The following FCHO2 variants were observed in gnomAD, a reference collection of about 807,000 sequenced individuals.
The protein encoded by FCHO2 is FCH and mu domain containing endocytic adaptor 2.
FCHO2 carries 43 observed loss-of-function variants against 114.1 expected under a neutral mutation model. The ratio of observed to expected loss-of-function variants is 0.38; its 90% CI spans 0.30 to 0.49. The LOEUF (loss-of-function observed/expected upper bound fraction) is 0.49. FCHO2 is among the 20% of genes least tolerant of loss of function. The pLI, the probability that FCHO2 is intolerant of heterozygous loss-of-function variation, is 0.97. For missense variants in FCHO2, 807 were observed against 950.4 expected (o/e 0.85, Z 1.98); for synonymous variants, 293 against 315.2 (o/e 0.93, Z 0.75).
chr5:73,071,414 A>C (rs1019946301), intron 19 of FCHO2, among the ~76,000 whole-genome samples: 3 of 152,052 alleles, frequency 2.0e-5, no homozygotes, highest in Non-Finnish European at 4.4e-5. Flanking sequence ...ATGATAGGAG[A>C]TAGTAGGGAG....
intron 1 of FCHO2, among the ~76,000 whole-genome samples, chr5:72,958,859 C>T (rs1751702228): frequency 6.6e-6 from 1 of 152,186 alleles, no homozygotes; most frequent in Non-Finnish European, 1.5e-5. Flanking sequence ...ATTGCATCTT[C>T]ACATTAAAAG....
In FCHO2 at chr5:72,957,873, G is replaced by A. The variant is rs540576118; in HGVS notation, c.33+1744G>A. Among the ~76,000 whole-genome samples the A allele has an allele frequency of 2.6e-5, 4 of 152,308 alleles. No homozygotes were observed. The South Asian group carries it at 8.3e-4, about 32-fold the overall frequency. Reference sequence around the variant, plus strand: ...TTTTATTATAATATAGTGAGTGAACGTGAAGTAGTATTAATATTTTATTGT... The same window carrying A: ...TTTTATTATAATATAGTGAGTGAACATGAAGTAGTATTAATATTTTATTGT... On this transcript the variant is annotated intron_variant, in intron 1 of 25. Transcript: ENST00000430046.
chr5:73,051,670 G>A (rs893031925), intron 12 of FCHO2, among the ~76,000 whole-genome samples: 3 of 151,888 alleles, frequency 2.0e-5, no homozygotes, highest in Non-Finnish European at 2.9e-5. Flanking sequence ...GGGTTTCAGC[G>A]ATTCTTCTGC....
intron 17 of FCHO2, 136 bp downstream of exon 17, chr5:73,058,660 G>T: frequency 2.5e-6 from 1 of 401,504 alleles, no homozygotes; most frequent in Non-Finnish European, 4.3e-6. Flanking sequence ...AAATAAAAGT[G>T]ATTTTATTCT....
At chr5:72,972,341 T>C (rs1272566651) in intron 2 of FCHO2, among the ~76,000 whole-genome samples, 4 of 151,896 alleles carry the variant, frequency 2.6e-5, no homozygotes, top group Non-Finnish European at 5.9e-5. Context: ...GAGCATGGAA[T>C]GTTCTTCCAT....
In FCHO2 at chr5:72,961,272, T is replaced by G. The variant is rs1349150369; in HGVS notation, c.33+5143T>G. Among the ~76,000 whole-genome samples the G allele has an allele frequency of 2.0e-5, 3 of 152,156 alleles. No individual in the cohort carries two copies. In the East Asian group the frequency reaches 5.8e-4, roughly 29 times the overall value. On this transcript the variant is annotated intron_variant, in intron 1 of 25. Coordinates refer to ENST00000430046, the MANE Select transcript of FCHO2 (RefSeq NM_138782.3). Reference sequence around the variant, plus strand: ...TCCTAGATGAGAGACTAACACACATTCTTTGGGGTTATGTATCCATATGAA... The same window carrying G: ...TCCTAGATGAGAGACTAACACACATGCTTTGGGGTTATGTATCCATATGAA...
In FCHO2 at chr5:72,970,473, C is replaced by CT. The variant is rs879859330; in HGVS notation, c.125+1896dup. ...TTCACCTAGTTAATGCCTACTTATT[C>CT]TTTTTTTTTTTTATTTAGAACTTTA... On this transcript the variant is annotated intron_variant, in intron 2 of 25. Coordinates refer to ENST00000430046, the MANE Select transcript of FCHO2 (RefSeq NM_138782.3). 2.2e-3 allele frequency among the ~76,000 whole-genome samples: 324 copies of CT among 144,008 alleles called. 1 individual carries two copies. The highest frequency in any genetic ancestry group is 3.6e-3 in the Middle Eastern group (1 of 278). 94.5% of individuals were successfully genotyped at this position (144,008 alleles called of 152,430 possible).
At chr5:73,020,927 G>A (rs747430734) in intron 8 of FCHO2, 12 of 1,542,418 alleles carry the variant, frequency 7.8e-6, no homozygotes, top group East Asian at 2.2e-5. Flanking sequence ...TCATATAGTC[G>A]AAAAGCAAAC....
chr5:73,017,442 A>G (rs1755365342), intron 8 of FCHO2, 134 bp downstream of exon 8: 2 of 505,906 alleles, frequency 4.0e-6, no homozygotes, highest in Non-Finnish European at 6.6e-6. Context: ...AATATTTCCA[A>G]ACTGTGAAAT....
Position 72,956,042 on chromosome 5 carries a change from T to G in FCHO2, c.-55T>G. The G allele has an allele frequency of 6.5e-7, 1 of 1,535,028 alleles. No homozygotes were observed. The highest frequency in any genetic ancestry group is 1.2e-5 in the South Asian group (1 of 82,122). ...CGGGGGTGCTGTGGGGGCCGGGCCG[T>G]GTTTACACAGCGGCGGGCGGGCGCG... On this transcript the variant is annotated 5_prime_UTR_variant, in exon 1 of 26. Coordinates refer to ENST00000430046, the MANE Select transcript of FCHO2 (RefSeq NM_138782.3).
intron 17 of FCHO2, among the ~76,000 whole-genome samples, chr5:73,063,436 A>C (rs2112862604): frequency 6.6e-6 from 1 of 152,184 alleles, no homozygotes; most frequent in Non-Finnish European, 1.5e-5. Flanking sequence ...TAGAGTTTAC[A>C]ATATTATTCT....
chr5:72,964,576 C>T (rs922908522), intron 1 of FCHO2, among the ~76,000 whole-genome samples: 9 of 152,038 alleles, frequency 5.9e-5, no homozygotes, highest in African/African-American at 1.7e-4. Context: ...TTAGTAGGGA[C>T]GGGGTTTCAC....
chr5:72,985,056 C>G (rs1179972750), intron 2 of FCHO2, among the ~76,000 whole-genome samples: 2 of 152,106 alleles, frequency 1.3e-5, no homozygotes, highest in African/African-American at 4.8e-5. Context: ...GGCCCCATAT[C>G]CTGGAATATG....
At chr5:73,073,486 T>G (rs1239501522) in intron 19 of FCHO2, among the ~76,000 whole-genome samples, 1 of 152,086 alleles carries the variant, frequency 6.6e-6, no homozygotes, top group African/African-American at 2.4e-5. Flanking sequence ...AGGCACCATT[T>G]TTTTTAAATG....
intron 5 of FCHO2, among the ~76,000 whole-genome samples, chr5:72,993,117 G>A (rs1753890063): frequency 1.3e-5 from 2 of 151,668 alleles, no homozygotes; most frequent in South Asian, 4.2e-4. Flanking sequence ...GAACAAAAAC[G>A]ATGTGTCTTG....
At chr5:72,993,935 G>A (rs1753943146) in intron 5 of FCHO2, among the ~76,000 whole-genome samples, 1 of 152,164 alleles carries the variant, frequency 6.6e-6, no homozygotes, top group Non-Finnish European at 1.5e-5. Context: ...CTAGCCATAT[G>A]CAGAAAATTG....
At position 73,078,201 on chromosome 5, in the gene FCHO2, C is replaced by T; in HGVS notation, c.1869C>T (p.Ser623=). 6.4e-7 allele frequency: 1 copy of T among 1,566,590 alleles called. No homozygotes were observed. Among genetic ancestry groups the T allele is most frequent in the Non-Finnish European group, 8.6e-7 (1 of 1,156,652 alleles). Reference sequence around the variant, plus strand: ...GTAGTGATCCATCACAATGTGATTCCAACACAAAAGATTTTTGGATGAACA... The same window carrying T: ...GTAGTGATCCATCACAATGTGATTCTAACACAAAAGATTTTTGGATGAACA... ...LVFSDPSQCD[S]NTKDFWMNMQ... is the part of the protein sequence containing the mutation. The change falls in exon 22 of 26, where the codon TCC becomes TCT. Residue 623 remains serine (S), a synonymous_variant. Transcript: ENST00000430046.
chr5:73,075,626 G>A (rs1305601796), intron 20 of FCHO2, among the ~76,000 whole-genome samples: 1 of 152,144 alleles, frequency 6.6e-6, no homozygotes, highest in African/African-American at 2.4e-5. Context: ...GCTGGTTGCT[G>A]TATGGAGAAT....
At chr5:72,972,739 T>C (rs1487278597) in intron 2 of FCHO2, among the ~76,000 whole-genome samples, 1 of 152,178 alleles carries the variant, frequency 6.6e-6, no homozygotes, top group Non-Finnish European at 1.5e-5. Flanking sequence ...CAACACTATG[T>C]TGACTAGGAG....
Sources: gnomAD v4.1 joint callset for allele counts (sites outside exome capture counted in the v4.1 genomes callset) on GRCh38, gnomAD v4.1.1 for gene constraint, MANE v1.5 for transcripts, NCBI Gene and HGNC (gene_info 2026-07-23, HGNC 2026-07-21) for gene names.